UGDH: variants seen among roughly 807,000 people sequenced by gnomAD.
UGDH encodes UDP-Glc dehydrogenase.
A neutral mutation model predicts 50.6 loss-of-function variants in UGDH; 38 were observed. That is an observed-to-expected ratio of 0.75 (90% CI 0.58 to 0.98). The LOEUF is 0.98. UGDH is among the 50% of genes least tolerant of loss of function. UGDH has a pLI of 0.00. For missense variants in UGDH, 465 were observed against 606.2 expected (o/e 0.77, Z 2.45); for synonymous variants, 168 against 199.9 (o/e 0.84, Z 1.35).
intron 11 of UGDH, among the ~76,000 whole-genome samples, chr4:39,501,418 T>C (rs976559263): frequency 1.9e-4 from 29 of 151,922 alleles, no homozygotes; most frequent in Admixed American, 5.2e-4. Flanking sequence ...GGACCACAGG[T>C]GCCTGCCACC....
intron 3 of UGDH, among the ~76,000 whole-genome samples, chr4:39,513,499 A>G (rs1052200329): frequency 6.8e-6 from 1 of 148,070 alleles, no homozygotes; most frequent in Non-Finnish European, 1.5e-5. Context: ...CTATCATCAC[A>G]TGTGCTCTCA....
Position 39,499,635 on chromosome 4 carries a change from A to G in UGDH, c.*508T>C, listed in dbSNP as rs1745709970. 6.6e-6 allele frequency: 1 copy of G among 152,264 alleles called. No homozygotes were observed. Among genetic ancestry groups the G allele is most frequent in the Admixed American group, 6.5e-5 (1 of 15,284 alleles). The allele number at this position is 152,264 out of a possible 1,614,324, so 9.4% of individuals were successfully genotyped here. On this transcript the variant is annotated 3_prime_UTR_variant, in exon 12 of 12. Transcript: ENST00000316423. ...TAACTGAGCTAACAGTATTATAAAA[A>G]TATGTAAAAAAATTCTAGATTCATA... is the stretch of plus-strand genomic sequence containing the variant.
At chr4:39,511,622 T>C (rs891249830) in intron 3 of UGDH, among the ~76,000 whole-genome samples, 4 of 151,934 alleles carry the variant, frequency 2.6e-5, no homozygotes, top group African/African-American at 9.7e-5. Context: ...AATATTGCAA[T>C]ATCATTTACA....
Position 39,510,542 on chromosome 4 carries a change from G to A in UGDH, c.474C>T (p.Ser158=). 1 of 1,614,052 alleles carries A rather than the reference G, an allele frequency of 6.2e-7. No individual in the cohort carries two copies. Among genetic ancestry groups the A allele is most frequent in the Non-Finnish European group, 8.5e-7 (1 of 1,179,996 alleles). Residue 158 remains serine, a synonymous_variant, in exon 5 of 12, where the codon TCC becomes TCT. Coordinates refer to ENST00000316423, the MANE Select transcript of UGDH (RefSeq NM_003359.4). ...TTCCCTCTGCCAGAAACTCAGGGTT[G>A]GACAGCACCTAGAATCCCAATGCAA... is the stretch of plus-strand genomic sequence containing the variant. ...TKPNLNLQVL[S]NPEFLAEGTA... is the part of the protein sequence containing the mutation.
intron 1 of UGDH, among the ~76,000 whole-genome samples, chr4:39,524,714 G>C (rs1419813507): frequency 6.6e-6 from 1 of 152,064 alleles, no homozygotes; most frequent in African/African-American, 2.4e-5. Context: ...TCACCATGTG[G>C]GCCAGGCTGG....
intron 11 of UGDH, 84 bp from the exon 12 acceptor site, chr4:39,500,337 G>A (rs560257258): frequency 1.2e-5 from 10 of 815,966 alleles, no homozygotes; most frequent in African/African-American, 6.9e-5. Flanking sequence ...GGAGCAGGGG[G>A]AATCTAGATT....
rs946796428 is a variant in UGDH at position 39,499,741 on chromosome 4, G to A, written c.*402C>T. 1.9e-5 allele frequency: 3 copies of A among 154,448 alleles called. No individual in the cohort carries two copies. The highest frequency in any genetic ancestry group is 4.3e-5 in the Non-Finnish European group (3 of 69,654). The allele number at this position is 154,448 out of a possible 1,614,324, so 9.6% of individuals were successfully genotyped here. A position where few individuals can be genotyped will look rare whatever the true frequency, so the allele number is the denominator to read the frequency against. On this transcript the variant is annotated 3_prime_UTR_variant, in exon 12 of 12. Coordinates refer to ENST00000316423, the MANE Select transcript of UGDH (RefSeq NM_003359.4). ...TAGTTTTGTTTCCTTAAAAACACTT[G>A]GTTCATGGGCCAGGCGTGGTGGCTC...
In UGDH at chr4:39,510,489, T is replaced by C. The variant is rs1223728130; in HGVS notation, c.527A>G (p.Asp176Gly). ...GTAIKDLKNP[D>G]RVLIGGDETP... Reference sequence around the variant, plus strand: ...TTCATCCCCTCCAATCAGTACTCTGTCTGGGTTCTTTAGGTCCTTGATGGC... The same window carrying C: ...TTCATCCCCTCCAATCAGTACTCTGCCTGGGTTCTTTAGGTCCTTGATGGC... Residue 176 changes from aspartate (D) to glycine (G), a missense_variant, in exon 5 of 12, where the codon GAC (aspartate) becomes GGC (glycine). By Grantham distance (94) the Asp-to-Gly change is moderately conservative. Coordinates refer to ENST00000316423, the MANE Select transcript of UGDH (RefSeq NM_003359.4). 7 of 1,614,206 alleles carry C rather than the reference T, an allele frequency of 4.3e-6. No homozygotes were observed. The highest frequency in any genetic ancestry group is 5.9e-6 in the Non-Finnish European group (7 of 1,180,020).
At chr4:39,521,080 A>C (rs1450659051) in intron 2 of UGDH, among the ~76,000 whole-genome samples, 1 of 151,568 alleles carries the variant, frequency 6.6e-6, no homozygotes, top group African/African-American at 2.4e-5. Flanking sequence ...AAAAAAAAAA[A>C]AAAAAAAAAA....
intron 6 of UGDH, 75 bp downstream of exon 6, chr4:39,509,685 C>T (rs971348318): frequency 1.0e-5 from 15 of 1,494,532 alleles, no homozygotes; most frequent in South Asian, 2.6e-5. Flanking sequence ...ATATATAAAG[C>T]GCTGGTACCA....
At chr4:39,500,653 C>CTTTTTTTTT (rs11284301) in intron 11 of UGDH, among the ~76,000 whole-genome samples, 8 of 135,224 alleles carry the variant, frequency 5.9e-5, no homozygotes, top group Non-Finnish European at 6.3e-5. Flanking sequence ...GCATAATTCT[C>CTTTTTTTTT]TTTTTTTTTT....
intron 7 of UGDH, among the ~76,000 whole-genome samples, chr4:39,507,955 A>AG (rs895210540): frequency 6.6e-6 from 1 of 151,856 alleles, no homozygotes; most frequent in African/African-American, 2.4e-5. Flanking sequence ...AAAAAAAAAA[A>AG]AAAAAAAGAG....
intron 11 of UGDH, 82 bp from the exon 12 acceptor site, chr4:39,500,335 G>T: frequency 1.2e-6 from 1 of 834,326 alleles, no homozygotes; most frequent in African/African-American, 1.7e-5. Context: ...TGGGAGCAGG[G>T]GGAATCTAGA....
chr4:39,518,606 C>T (rs1276671193), intron 2 of UGDH, among the ~76,000 whole-genome samples: 3 of 149,528 alleles, frequency 2.0e-5, no homozygotes, highest in South Asian at 2.1e-4. Context: ...TGTGAGCCAC[C>T]GCGGTTGGCC....
At chr4:39,506,377 C>T (rs971378939) in intron 7 of UGDH, among the ~76,000 whole-genome samples, 3 of 152,100 alleles carry the variant, frequency 2.0e-5, no homozygotes, top group Non-Finnish European at 4.4e-5. Context: ...ATGAGACCAA[C>T]CTAAATAAGG....
chr4:39,523,375 T>G (rs767901707), intron 1 of UGDH, among the ~76,000 whole-genome samples: 7 of 152,162 alleles, frequency 4.6e-5, no homozygotes, highest in Non-Finnish European at 8.8e-5. Flanking sequence ...AAAAAACAAT[T>G]AAAAGAAATA....
At chr4:39,523,783 G>A (rs1746766743) in intron 1 of UGDH, among the ~76,000 whole-genome samples, 1 of 149,098 alleles carries the variant, frequency 6.7e-6, no homozygotes, top group African/African-American at 2.5e-5. Context: ...TCCAGCCTGG[G>A]CAACAAGCAC....
chr4:39,513,580 A>G (rs1300433131), intron 3 of UGDH, among the ~76,000 whole-genome samples: 1 of 124,382 alleles, frequency 8.0e-6, no homozygotes, highest in Non-Finnish European at 1.6e-5. Context: ...CTCTATCACC[A>G]GGCTGGAGTG....
chr4:39,519,177 A>G (rs1474574308), intron 2 of UGDH, among the ~76,000 whole-genome samples: 1 of 150,972 alleles, frequency 6.6e-6, no homozygotes, highest in Non-Finnish European at 1.5e-5. Context: ...TCGGCTTCCC[A>G]AAGTGCAGGG....
Sources: gnomAD v4.1 joint callset for allele counts (sites outside exome capture counted in the v4.1 genomes callset) on GRCh38, gnomAD v4.1.1 for gene constraint, MANE v1.5 for transcripts, NCBI Gene and HGNC (gene_info 2026-07-23, HGNC 2026-07-21) for gene names.